DOP1A: variants seen among roughly 807,000 people sequenced by gnomAD.
DOP1A encodes the protein protein DOP1A.
A neutral mutation model predicts 267.6 loss-of-function variants in DOP1A; 90 were observed. The ratio of observed to expected loss-of-function variants is 0.34; its 90% confidence interval spans 0.28 to 0.40. The LOEUF (loss-of-function observed/expected upper bound fraction) is 0.40, where lower values mean the gene tolerates loss of function less well. Ranked by LOEUF, DOP1A falls within the 10% of genes least tolerant of loss-of-function variation. The probability of loss-of-function intolerance (pLI) is 1.00; values close to 1 mark genes in which losing one functional copy is unlikely to be tolerated. For missense variants in DOP1A, 2,437 were observed against 2,900.4 expected (o/e 0.84, Z 3.67); for synonymous variants, 932 against 999.1 (o/e 0.93, Z 1.27).
rs887759068 is a variant in DOP1A, at chr6:83,071,720, A to T, written c.-147+3941A>T. 1.5e-4 allele frequency among the ~76,000 whole-genome samples: 23 copies of T among 152,356 alleles called. No homozygotes were observed. In the East Asian group the frequency reaches 4.0e-3, roughly 27 times the overall value. ...TTACCTTAAAAAATATAGTAAAAAA[A>T]GTTACTTTAAAAAATAGTACAAAGA... On this transcript the variant is annotated intron_variant, in intron 1 of 38. Transcript: ENST00000349129.
At chr6:83,141,301 A>T (rs551994515) in intron 23 of DOP1A, among the ~76,000 whole-genome samples, 1 of 152,172 alleles carries the variant, frequency 6.6e-6, no homozygotes, top group South Asian at 2.1e-4. Flanking sequence ...TTTATCAGTA[A>T]TTATCTCAGG....
chr6:83,130,363 T>G lies in DOP1A; in HGVS notation c.2582T>G (p.Leu861Arg). The G allele has an allele frequency of 6.2e-7, 1 of 1,613,962 alleles. No individual in the cohort carries two copies. Among genetic ancestry groups the G allele is most frequent in the Non-Finnish European group, 8.5e-7 (1 of 1,179,922 alleles). Residue 861 changes from leucine (L) to arginine (R), a missense_variant, in exon 17 of 39, where the codon CTG becomes CGG. Physicochemically the swap from Leu to Arg is moderately radical, Grantham distance 102. Transcript: ENST00000349129. ...AGACCTCCCCTCACTCAGGGCAATC[T>G]GAGGTACATAGCTGAGAAGACTGAA... ...VIRPPLTQGNLRYIAEKTEFF... is the reference protein window; with the variant it reads ...VIRPPLTQGNRRYIAEKTEFF...
In DOP1A at chr6:83,130,382, G is replaced by A; in HGVS notation, c.2601G>A (p.Lys867=). 2 of 1,611,844 alleles carry A rather than the reference G, an allele frequency of 1.2e-6. No homozygotes were observed. The highest frequency in any genetic ancestry group is 1.1e-5 in the South Asian group (1 of 90,602). Residue 867 remains lysine (K), a synonymous_variant, in exon 17 of 39, where the codon AAG becomes AAA. Transcript: ENST00000349129. ...TQGNLRYIAE[K]TEFFKHVALT... ...GCAATCTGAGGTACATAGCTGAGAA[G>A]ACTGAATTTTTCAAGGTAAATTCTA...
intron 25 of DOP1A, 132 bp from the exon 26 acceptor site, chr6:83,147,104 T>A (rs989230092): frequency 9.7e-6 from 4 of 412,052 alleles, no homozygotes; most frequent in Non-Finnish European, 1.8e-5. Flanking sequence ...GGCTCATTAA[T>A]GAAAAATTGA....
At chr6:83,133,671 A>G (rs1399172364) in intron 18 of DOP1A, among the ~76,000 whole-genome samples, 1 of 152,058 alleles carries the variant, frequency 6.6e-6, no homozygotes, top group Admixed American at 6.6e-5. Context: ...TAATCTCAAA[A>G]GTAGTTTAAT....
intron 1 of DOP1A, among the ~76,000 whole-genome samples, chr6:83,087,859 G>T (rs1024888429): frequency 1.3e-5 from 2 of 150,016 alleles, no homozygotes; most frequent in Non-Finnish European, 2.9e-5. Context: ...TTGTTTTTTT[G>T]TTTGTTTGTT....
rs369976050 is a variant in DOP1A, at chr6:83,125,494, T to C, written c.1486-6T>C. ...TAAACTTTTTTCATTTCACTTTTAT[T>C]TTCAGGAGACTTACATTGAAATCCA... On this transcript the variant is annotated splice_region_variant and splice_polypyrimidine_tract_variant and intron_variant, in intron 14 of 38. Coordinates refer to ENST00000349129, the MANE Select transcript of DOP1A (RefSeq NM_015018.4). The C allele has an allele frequency of 1.0e-4, 165 of 1,611,452 alleles. 2 individuals carry two copies. The South Asian group carries it at 1.7e-3, about 17-fold the overall frequency.
chr6:83,150,787 A>G (rs1035316729), intron 27 of DOP1A, among the ~76,000 whole-genome samples: 2 of 152,210 alleles, frequency 1.3e-5, no homozygotes, highest in Non-Finnish European at 2.9e-5. Flanking sequence ...CTGTATTACA[A>G]TTTAAGATTT....
intron 12 of DOP1A, among the ~76,000 whole-genome samples, chr6:83,124,478 G>A (rs1393769570): frequency 6.6e-6 from 1 of 152,092 alleles, no homozygotes. Flanking sequence ...AGAACACTTC[G>A]AAGTACAGGA....
chr6:83,093,933 A>C (rs995119196), intron 1 of DOP1A, among the ~76,000 whole-genome samples: 1 of 152,284 alleles, frequency 6.6e-6, no homozygotes, highest in South Asian at 2.1e-4. Context: ...CAAACAAAAA[A>C]TATATATATA....
Position 83,122,001 on chromosome 6 carries a change from G to C in DOP1A, c.1171G>C (p.Asp391His). 6.2e-7 allele frequency: 1 copy of C among 1,611,506 alleles called. No homozygotes were observed. The highest frequency in any genetic ancestry group is 8.5e-7 in the Non-Finnish European group (1 of 1,178,148). Residue 391 changes from aspartate (D) to histidine (H), a missense_variant, in exon 11 of 39, where the codon GAT (aspartate) becomes CAT (histidine). Physicochemically the swap from Asp to His is moderately conservative, Grantham distance 81. Around this residue, in one of 9 missense-constraint regions of DOP1A, gnomAD observed 498 missense variants for 513.5 expected, o/e 0.97. Transcript: ENST00000349129. ...ATATTCTCAATGCAAAGCAGAGTTG[G>C]ATCTTCAAACTGAACCACCCTTCAG... is the stretch of plus-strand genomic sequence containing the variant. ...TLYSQCKAEL[D>H]LQTEPPFSKD...
At chr6:83,155,079 CA>C (rs1366098548) in intron 33 of DOP1A, among the ~76,000 whole-genome samples, 1 of 152,108 alleles carries the variant, frequency 6.6e-6, no homozygotes, top group Non-Finnish European at 1.5e-5. Context: ...TTTTAAATAA[CA>C]GCTAAATAGC....
Position 83,085,448 on chromosome 6 carries a change from C to T in DOP1A, c.-146-11283C>T, listed in dbSNP as rs571250322. Among the ~76,000 whole-genome samples, 20 of 152,276 alleles carry T rather than the reference C, an allele frequency of 1.3e-4. 1 individual carries two copies. Among genetic ancestry groups the T allele is most frequent in the Middle Eastern group, 3.4e-3 (1 of 294 alleles). On this transcript the variant is annotated intron_variant, in intron 1 of 38. Transcript: ENST00000349129. ...AGGGTATGTGGTAAGAGTTTGGCCC[C>T]AGGCAGGCTACTTAGACTGATCAGA...
intron 15 of DOP1A, among the ~76,000 whole-genome samples, chr6:83,126,234 A>G (rs1483504070): frequency 6.6e-6 from 1 of 151,784 alleles, no homozygotes; most frequent in Admixed American, 6.6e-5. Flanking sequence ...AGTATAAATA[A>G]CCAATTAGGG....
At chr6:83,170,569 C>CCTG, downstream of DOP1A, 1 of 971,284 alleles carries the variant, frequency 1.0e-6, no homozygotes, top group Non-Finnish European at 1.5e-6. Flanking sequence ...AAGTGCCAGA[C>CCTG]TAAATATAAA....
chr6:83,090,319 T>C (rs1490759887), intron 1 of DOP1A, among the ~76,000 whole-genome samples: 1 of 152,200 alleles, frequency 6.6e-6, no homozygotes, highest in Non-Finnish European at 1.5e-5. Flanking sequence ...TAAGTAAGTA[T>C]TAGAGCTAGG....
In DOP1A at chr6:83,100,873, C is replaced by CT; in HGVS notation, c.314dup (p.Leu105PhefsTer3). ...TGGACCTAAGCGACTTGCCAAAGAT[C>CT]TTTTTTTATATAGGTAAGAATAATT... On this transcript the variant is annotated frameshift_variant, in exon 4 of 39. Coordinates refer to ENST00000349129, the MANE Select transcript of DOP1A (RefSeq NM_015018.4). LOFTEE classifies it high-confidence loss of function. 2 of 1,531,564 alleles carry CT rather than the reference C, an allele frequency of 1.3e-6. No individual in the cohort carries two copies. The highest frequency in any genetic ancestry group is 2.3e-5 in the East Asian group (1 of 42,696). 94.9% of individuals were successfully genotyped at this position (1,531,564 alleles called of 1,614,324 possible).
intron 1 of DOP1A, among the ~76,000 whole-genome samples, chr6:83,084,490 T>A (rs1348140678): frequency 6.6e-6 from 1 of 152,232 alleles, no homozygotes; most frequent in Non-Finnish European, 1.5e-5. Context: ...TTTTTCCAAA[T>A]TTTTCTCCAG....
chr6:83,073,104 A>G (rs1464345463), intron 1 of DOP1A: 1 of 225,998 alleles, frequency 4.4e-6, no homozygotes. Context: ...TTTTTTTGAG[A>G]CAGACTCTCA....
Sources: allele counts gnomAD v4.1 joint callset (sites outside exome capture counted in the v4.1 genomes callset), GRCh38; gene constraint gnomAD v4.1.1; regional missense constraint gnomAD v4.1.1; transcripts MANE v1.5; gene names NCBI Gene and HGNC (gene_info 2026-07-23, HGNC 2026-07-21).